PRKD1: variants seen among roughly 807,000 people sequenced by gnomAD.
PRKD1 encodes serine/threonine-protein kinase D1.
Under a neutral mutation model 95.9 loss-of-function variants are expected in PRKD1, and 63 were observed. The observed-to-expected ratio is 0.66, with a 90% CI of 0.54 to 0.81. PRKD1 has a LOEUF of 0.81. Among genes scored for constraint, PRKD1 ranks in the 30% least tolerant of loss-of-function variants. The probability of loss-of-function intolerance (pLI) is 0.00; values close to 1 mark genes in which losing one functional copy is unlikely to be tolerated. For missense variants in PRKD1, 1,048 were observed against 1,165.3 expected (o/e 0.90, Z 1.47); for synonymous variants, 425 against 423.1 (o/e 1.00, Z -0.05).
intron 1 of PRKD1, among the ~76,000 whole-genome samples, chr14:29,844,607 A>G (rs951827701): frequency 2.0e-5 from 3 of 152,354 alleles, no homozygotes; most frequent in Admixed American, 6.5e-5. Context: ...TGGGTAATGT[A>G]TGGACATGTA....
chr14:29,920,587 T>TACACAC (rs5807556), intron 1 of PRKD1, among the ~76,000 whole-genome samples: 6,189 of 141,282 alleles, frequency 0.044, 139 homozygotes, highest in South Asian at 0.064. Context: ...TCCAGTCTAA[T>TACACAC]ACACACACAC....
chr14:29,773,420 A>C (rs1259038833), intron 1 of PRKD1, among the ~76,000 whole-genome samples: 1 of 151,298 alleles, frequency 6.6e-6, no homozygotes, highest in Non-Finnish European at 1.5e-5. Context: ...AGATTGTGCC[A>C]ATGCACTCCA....
chr14:29,623,786 T>C (rs1879437032), intron 13 of PRKD1, among the ~76,000 whole-genome samples: 1 of 152,182 alleles, frequency 6.6e-6, no homozygotes, highest in Non-Finnish European at 1.5e-5. Context: ...ATGCTGACAG[T>C]TACATACCCA....
chr14:29,714,597 C>T (rs1313432715), intron 2 of PRKD1, among the ~76,000 whole-genome samples: 1 of 152,158 alleles, frequency 6.6e-6, no homozygotes, highest in East Asian at 1.9e-4. Flanking sequence ...AACCAGCAAT[C>T]CCATTACTGG....
intron 16 of PRKD1, among the ~76,000 whole-genome samples, chr14:29,580,288 A>G (rs1255305803): frequency 6.6e-6 from 1 of 152,164 alleles, no homozygotes; most frequent in Non-Finnish European, 1.5e-5. Context: ...GGAATAAGTA[A>G]AAATGAAAAA....
chr14:29,825,210 C>T lies in PRKD1; in HGVS notation c.265-99536G>A, dbSNP rs1485350796. Among the ~76,000 whole-genome samples, 9 of 151,838 alleles carry T rather than the reference C, an allele frequency of 5.9e-5. No individual in the cohort carries two copies. The East Asian group carries it at 9.7e-4, about 16-fold the overall frequency. On this transcript the variant is annotated intron_variant, in intron 1 of 17. Coordinates refer to ENST00000331968, the MANE Select transcript of PRKD1 (RefSeq NM_002742.3). Reference sequence around the variant, plus strand: ...CATGTGCCAGGAAATGTGATATGTACGAAACATGAATACTTACACAGTCAA... The same window carrying T: ...CATGTGCCAGGAAATGTGATATGTATGAAACATGAATACTTACACAGTCAA...
In PRKD1 at chr14:29,923,021, A is replaced by G. The variant is rs142535820; in HGVS notation, c.264+4228T>C. 6.7e-3 allele frequency among the ~76,000 whole-genome samples: 1,018 copies of G among 152,220 alleles called. 6 individuals are homozygous for G. The highest frequency in any genetic ancestry group is 0.024 in the African/African-American group (978 of 41,536). On this transcript the variant is annotated intron_variant, in intron 1 of 17. Coordinates refer to ENST00000331968, the MANE Select transcript of PRKD1 (RefSeq NM_002742.3). ...CGAGGTAGGAGGACCTCTTGATCCCAGGAGTTCCAGACCAGCCTGGGCAAT... is the reference window on the plus strand; with the variant it reads ...CGAGGTAGGAGGACCTCTTGATCCCGGGAGTTCCAGACCAGCCTGGGCAAT...
At chr14:29,865,197 G>A (rs1892847635) in intron 1 of PRKD1, among the ~76,000 whole-genome samples, 1 of 152,134 alleles carries the variant, frequency 6.6e-6, no homozygotes, top group Admixed American at 6.5e-5. Flanking sequence ...TGAAGATAAG[G>A]GAAGCATCAC....
At chr14:29,618,406 C>T (rs550077150) in intron 13 of PRKD1, among the ~76,000 whole-genome samples, 1 of 152,056 alleles carries the variant, frequency 6.6e-6, no homozygotes, top group Admixed American at 6.6e-5. Context: ...CAGATGTGCA[C>T]CACCACACCC....
chr14:29,608,371 C>T (rs943215001), intron 13 of PRKD1, among the ~76,000 whole-genome samples: 1 of 152,076 alleles, frequency 6.6e-6, no homozygotes, highest in Non-Finnish European at 1.5e-5. Flanking sequence ...TCTTGCCCAA[C>T]TTACATATTA....
intron 16 of PRKD1, among the ~76,000 whole-genome samples, chr14:29,589,968 G>T (rs1460092906): frequency 1.3e-5 from 2 of 151,770 alleles, no homozygotes. Flanking sequence ...TTGTTTCATT[G>T]ACCCTAAACT....
intron 2 of PRKD1, among the ~76,000 whole-genome samples, chr14:29,697,170 A>C (rs182886041): frequency 9.3e-4 from 141 of 151,794 alleles, no homozygotes; most frequent in Admixed American, 1.7e-3. Context: ...TAGTAAAAAA[A>C]AAACAAACAA....
chr14:29,927,650 C>A lies in PRKD1; in HGVS notation c.-138G>T. 1 of 544,848 alleles carries A rather than the reference C, an allele frequency of 1.8e-6. No individual in the cohort carries two copies. Among genetic ancestry groups the A allele is most frequent in the South Asian group, 8.0e-5 (1 of 12,470 alleles). 33.8% of individuals were successfully genotyped at this position (544,848 alleles called of 1,614,324 possible). On this transcript the variant is annotated 5_prime_UTR_variant, in exon 1 of 18. In the 5' UTR this introduces an upstream ATG that the reference lacks. Transcript: ENST00000331968. ...AAATAAAAACTTTCCGGAAAAGTCC[C>A]TGGGCTGGGGGAGGGCAAGGGGATG...
At chr14:29,818,994 T>C (rs898346088) in intron 1 of PRKD1, among the ~76,000 whole-genome samples, 2 of 151,250 alleles carry the variant, frequency 1.3e-5, no homozygotes, top group Non-Finnish European at 3.0e-5. Context: ...AGAAATTTCT[T>C]ATTAAAAGGG....
At chr14:29,714,685 A>C (rs1885510134) in intron 2 of PRKD1, among the ~76,000 whole-genome samples, 1 of 152,246 alleles carries the variant, frequency 6.6e-6, no homozygotes, top group Non-Finnish European at 1.5e-5. Context: ...ACTGTTCACA[A>C]TAGCAAAGAC....
At chr14:29,734,683 C>T (rs1421688603) in intron 1 of PRKD1, among the ~76,000 whole-genome samples, 1 of 152,174 alleles carries the variant, frequency 6.6e-6, no homozygotes, top group East Asian at 1.9e-4. Flanking sequence ...TCACAGCTTA[C>T]CAACAACTGC....
intron 1 of PRKD1, among the ~76,000 whole-genome samples, chr14:29,822,871 C>T (rs1481463458): frequency 1.3e-5 from 2 of 151,872 alleles, no homozygotes; most frequent in African/African-American, 4.8e-5. Context: ...TAAAGGGATA[C>T]CTAACTAAAG....
chr14:29,887,322 G>C (rs1039183348), intron 1 of PRKD1, among the ~76,000 whole-genome samples: 1 of 152,138 alleles, frequency 6.6e-6, no homozygotes, highest in Non-Finnish European at 1.5e-5. Context: ...ACACAAGAGG[G>C]AGTCAACACA....
At chr14:29,881,880 T>C (rs2139396661) in intron 1 of PRKD1, among the ~76,000 whole-genome samples, 1 of 152,300 alleles carries the variant, frequency 6.6e-6, no homozygotes, top group Admixed American at 6.5e-5. Context: ...TTCCATAAAG[T>C]GTTCCTCATA....
Sources: allele counts gnomAD v4.1 joint callset (sites outside exome capture counted in the v4.1 genomes callset), GRCh38; gene constraint gnomAD v4.1.1; transcripts MANE v1.5; gene names NCBI Gene and HGNC (gene_info 2026-07-23, HGNC 2026-07-21).